The following AGO3 variants were observed in gnomAD, a reference collection of about 807,000 sequenced individuals.
AGO3 encodes the protein protein argonaute-3.
In AGO3, 16 loss-of-function variants were observed where a neutral mutation model predicts 105.5. The ratio of observed to expected loss-of-function variants is 0.15; its 90% CI spans 0.10 to 0.23. The LOEUF (loss-of-function observed/expected upper bound fraction) is 0.23, where lower values mean the gene tolerates loss of function less well. AGO3 is among the 10% of genes least tolerant of loss of function. The probability of loss-of-function intolerance (pLI) is 1.00; values close to 1 mark genes in which losing one functional copy is unlikely to be tolerated. For missense variants in AGO3, 534 were observed against 1,088.0 expected (o/e 0.49, Z 7.16); for synonymous variants, 340 against 367.3 (o/e 0.93, Z 0.85).
chr1:36,053,800 G>C (rs1449491949), intron 17 of AGO3, among the ~76,000 whole-genome samples: 1 of 129,422 alleles, frequency 7.7e-6, no homozygotes, highest in Non-Finnish European at 1.6e-5. Context: ...CCAGGCTGAA[G>C]TGCAGTGGTG....
At chr1:36,014,589 G>A (rs947157975) in intron 11 of AGO3, among the ~76,000 whole-genome samples, 1 of 150,676 alleles carries the variant, frequency 6.6e-6, no homozygotes, top group Non-Finnish European at 1.5e-5. Context: ...GGCTAACATG[G>A]TGAAACCCCG....
rs1646043374 is a variant in AGO3 at position 35,931,354 on chromosome 1, G to GC, written c.-67dup. On this transcript the variant is annotated 5_prime_UTR_variant, in exon 1 of 19. Coordinates refer to ENST00000373191, the MANE Select transcript of AGO3 (RefSeq NM_024852.4). Reference sequence around the variant, plus strand: ...AGTGCCCGTCGCGTCGCGCCGCGTCGCCCCCCGGGCCGCCTCCTTGCCGCC... The same window carrying GC: ...AGTGCCCGTCGCGTCGCGCCGCGTCGCCCCCCCGGGCCGCCTCCTTGCCGCC... 15 of 1,350,702 alleles carry GC rather than the reference G, an allele frequency of 1.1e-5. No individual in the cohort carries two copies. The highest frequency in any genetic ancestry group is 5.5e-5 in the South Asian group (3 of 54,646). The allele number at this position is 1,350,702 out of a possible 1,614,324, so 83.7% of individuals were successfully genotyped here.
In AGO3 at chr1:35,941,704, C is replaced by A. The variant is rs1646259161; in HGVS notation, c.20-3988C>A. Among the ~76,000 whole-genome samples, 3 of 152,256 alleles carry A rather than the reference C, an allele frequency of 2.0e-5. No individual in the cohort carries two copies. The South Asian group carries it at 6.2e-4, about 32-fold the overall frequency. On this transcript the variant is annotated intron_variant, in intron 1 of 18. Transcript: ENST00000373191. ...AAATGAGATAATGCATGTAAAAGCACCTAGCAGGCCAGGCTTGGTGGCTCA... is the reference window on the plus strand; with the variant it reads ...AAATGAGATAATGCATGTAAAAGCAACTAGCAGGCCAGGCTTGGTGGCTCA...
Position 36,027,951 on chromosome 1 carries a change from G to A in AGO3, c.1591+653G>A, listed in dbSNP as rs558498949. Among the ~76,000 whole-genome samples the A allele has an allele frequency of 7.2e-5, 11 of 152,224 alleles. No homozygotes were observed. The highest frequency in any genetic ancestry group is 2.2e-4 in the African/African-American group (9 of 41,528). On this transcript the variant is annotated intron_variant, in intron 12 of 18. Transcript: ENST00000373191. This position sits in a 1 kb window ranked among gnomAD's most constrained non-coding sequence, Gnocchi z 4.0. ...TGTTGCTCAATATTCAGGTACTGCC[G>A]GTTCTACTACCTGTGTGATTTGGCT... is the stretch of plus-strand genomic sequence containing the variant.
chr1:35,989,900 G>T (rs1647454735), intron 5 of AGO3, among the ~76,000 whole-genome samples: 1 of 151,896 alleles, frequency 6.6e-6, no homozygotes, highest in South Asian at 2.1e-4. Context: ...GACCATCATA[G>T]TGAATCTGAT....
At chr1:36,043,620 G>A (rs950847299) in intron 17 of AGO3, 72 bp downstream of exon 17, 11 of 1,267,020 alleles carry the variant, frequency 8.7e-6, no homozygotes, top group Middle Eastern at 1.9e-4. Context: ...TTAAATCTCA[G>A]AAAAAGGATA....
At position 35,950,825 on chromosome 1, in the gene AGO3, C is replaced by T. The variant is rs112452540; in HGVS notation, c.191+4962C>T. On this transcript the variant is annotated intron_variant, in intron 2 of 18. Transcript: ENST00000373191. ...GATAGTATATGTATTTATTCAAAAC[C>T]ATTAAATAATGGAATAGATACATGT... Among the ~76,000 whole-genome samples, 794 of 152,138 alleles carry T rather than the reference C, an allele frequency of 5.2e-3. 4 individuals are homozygous for T. The highest frequency in any genetic ancestry group is 0.018 in the African/African-American group (760 of 41,510).
upstream of AGO3, chr1:35,931,012 C>G (rs1646031639): frequency 2.8e-6 from 1 of 361,692 alleles, no homozygotes; most frequent in Non-Finnish European, 4.9e-6. Flanking sequence ...CGACGTCGCT[C>G]CGGCACGGCT....
In AGO3 at chr1:36,055,218, A is replaced by C; in HGVS notation, c.2474+73A>C. 6.8e-7 allele frequency: 1 copy of C among 1,477,042 alleles called. No individual in the cohort carries two copies. Among genetic ancestry groups the C allele is most frequent in the Non-Finnish European group, 9.2e-7 (1 of 1,085,124 alleles). The allele number at this position is 1,477,042 out of a possible 1,614,324, so 91.5% of individuals were successfully genotyped here. On this transcript the variant is annotated intron_variant, in intron 18 of 18. Transcript: ENST00000373191. The surrounding 1 kb of genome is among the most constrained non-coding windows in gnomAD (Gnocchi z 4.4). ...GCATGGTAGGATTTTCAAGTTCCACAAGCTATTAGCGGAGTCAGTGATCCA... is the reference window on the plus strand; with the variant it reads ...GCATGGTAGGATTTTCAAGTTCCACCAGCTATTAGCGGAGTCAGTGATCCA...
chr1:36,054,816 A>G (rs1642861898), intron 17 of AGO3, 130 bp from the exon 18 acceptor site: 1 of 785,324 alleles, frequency 1.3e-6, no homozygotes, highest in African/African-American at 1.7e-5. Context: ...CCAGAGGTGG[A>G]GGTTGCAGTG....
chr1:36,020,696 A>G (rs374242645), intron 11 of AGO3, among the ~76,000 whole-genome samples: 1 of 151,866 alleles, frequency 6.6e-6, no homozygotes, highest in African/African-American at 2.4e-5. Flanking sequence ...GCTCACTGCA[A>G]CCTCCTCCTT....
intron 2 of AGO3, among the ~76,000 whole-genome samples, chr1:35,965,239 C>T (rs1437278318): frequency 6.6e-6 from 1 of 151,956 alleles, no homozygotes; most frequent in African/African-American, 2.4e-5. Flanking sequence ...TGCCTCTAAT[C>T]CCAGCACTTT....
At position 36,027,174 on chromosome 1, in the gene AGO3, G is replaced by A; in HGVS notation, c.1467G>A (p.Gln489=). 1 of 1,614,210 alleles carries A rather than the reference G, an allele frequency of 6.2e-7. No individual in the cohort carries two copies. Among genetic ancestry groups the A allele is most frequent in the Non-Finnish European group, 8.5e-7 (1 of 1,180,030 alleles). ...ATGCAGGGATGCCCATCCAGGGCCA[G>A]CCATGCTTCTGCAAATATGCACAGG... is the stretch of plus-strand genomic sequence containing the variant. ...SKDAGMPIQG[Q]PCFCKYAQGA... The change falls in exon 12 of 19, where the codon CAG becomes CAA. Residue 489 remains glutamine (Q), a synonymous_variant. Transcript: ENST00000373191. The surrounding 1 kb of genome is among the most constrained non-coding windows in gnomAD (Gnocchi z 4.0).
chr1:36,027,279 G>A lies in AGO3; in HGVS notation c.1572G>A (p.Pro524=), dbSNP rs138501451. ...TACAGCTTATTATCGTCATCCTGCC[G>A]GGGAAGACACCAGTGTATGGTAAGG... ...SGLQLIIVIL[P]GKTPVYAEVK... The change falls in exon 12 of 19, where the codon CCG becomes CCA. Residue 524 remains proline, a synonymous_variant. Coordinates refer to ENST00000373191, the MANE Select transcript of AGO3 (RefSeq NM_024852.4). The surrounding 1 kb of genome is among the most constrained non-coding windows in gnomAD (Gnocchi z 4.0). 1,099 of 1,612,864 alleles carry A rather than the reference G, an allele frequency of 6.8e-4. 7 individuals are homozygous for A. The highest frequency in any genetic ancestry group is 4.3e-3 in the African/African-American group (325 of 75,020).
chr1:36,003,707 A>ATATATATATATATAT (rs1194799778), intron 5 of AGO3, among the ~76,000 whole-genome samples: 1 of 120,254 alleles, frequency 8.3e-6, no homozygotes, highest in East Asian at 2.9e-4. Context: ...AAAAAAAAAA[A>ATATATATATATATAT]AAATATATAT....
At position 36,065,440 on chromosome 1, in the gene AGO3, T is replaced by G. The variant is rs1417495884; in HGVS notation, c.*9695T>G. 2 of 152,046 alleles carry G rather than the reference T, an allele frequency of 1.3e-5. No individual in the cohort carries two copies. Among genetic ancestry groups the G allele is most frequent in the Non-Finnish European group, 2.9e-5 (2 of 68,074 alleles). The allele number at this position is 152,046 out of a possible 1,614,324, so 9.4% of individuals were successfully genotyped here. A position where few individuals can be genotyped will look rare whatever the true frequency, so the allele number is the denominator to read the frequency against. ...CTGGCCAACATGCTGAAACCCCATC[T>G]CTACTAAAAATACAAAAATTAGCTG... is the stretch of plus-strand genomic sequence containing the variant. On this transcript the variant is annotated 3_prime_UTR_variant, in exon 19 of 19. Transcript: ENST00000373191.
intron 15 of AGO3, 82 bp downstream of exon 15, chr1:36,040,066 A>G: frequency 1.4e-6 from 2 of 1,418,134 alleles, no homozygotes; most frequent in Non-Finnish European, 1.9e-6. Context: ...AGAGTTAAAA[A>G]CCTTGTTAGA....
intron 11 of AGO3, among the ~76,000 whole-genome samples, chr1:36,019,192 CT>C (rs1641079916): frequency 6.6e-6 from 1 of 152,134 alleles, no homozygotes. Flanking sequence ...TGAAAATACA[CT>C]TTGGCATAAT....
intron 2 of AGO3, among the ~76,000 whole-genome samples, chr1:35,948,858 A>G (rs1646417347): frequency 2.0e-5 from 3 of 152,102 alleles, no homozygotes; most frequent in African/African-American, 4.8e-5. Context: ...AAATGTTTCC[A>G]AGTGGAAAGT....
Sources: allele counts gnomAD v4.1 joint callset (sites outside exome capture counted in the v4.1 genomes callset), GRCh38; gene constraint gnomAD v4.1.1; non-coding constraint Gnocchi (gnomAD v3.1); transcripts MANE v1.5; gene names NCBI Gene and HGNC (gene_info 2026-07-23, HGNC 2026-07-21).